CNBD1: variants seen among roughly 807,000 people sequenced by gnomAD.
The protein encoded by CNBD1 is cyclic nucleotide-binding domain-containing protein 1.
A neutral mutation model predicts 54.4 loss-of-function variants in CNBD1; 71 were observed. That is an observed-to-expected ratio of 1.30 (90% CI 1.08 to 1.59). The LOEUF is 1.59. CNBD1 is among the 40% of genes most tolerant of loss of function. CNBD1 has a pLI of 0.00. For synonymous variants in CNBD1, 182 were observed against 170.7 expected, an observed-to-expected ratio of 1.07 and a Z score of -0.51; for missense variants, 659 against 518.0, an observed-to-expected ratio of 1.27 and a Z score of -2.64.
intron 4 of CNBD1, among the ~76,000 whole-genome samples, chr8:87,074,149 G>A (rs977194160): frequency 2.0e-4 from 30 of 151,720 alleles, no homozygotes; most frequent in Non-Finnish European, 3.5e-4. Context: ...GGTAGAGCAG[G>A]TGTGCTGCAC....
At chr8:87,177,958 T>C (rs1020360505) in intron 4 of CNBD1, among the ~76,000 whole-genome samples, 1 of 152,192 alleles carries the variant, frequency 6.6e-6, no homozygotes, top group Non-Finnish European at 1.5e-5. Flanking sequence ...AGATATATAA[T>C]GTAATGTTGT....
chr8:87,425,218 T>G (rs1356630278), intron 2 of CNBD1, among the ~76,000 whole-genome samples: 2 of 152,134 alleles, frequency 1.3e-5, no homozygotes, highest in Non-Finnish European at 2.9e-5. Flanking sequence ...AGTTATACAT[T>G]CTTCTAAATT....
chr8:87,330,541 C>A (rs1239825157), intron 8 of CNBD1, among the ~76,000 whole-genome samples: 1 of 151,808 alleles, frequency 6.6e-6, no homozygotes, highest in Non-Finnish European at 1.5e-5. Context: ...TATCTTTGAC[C>A]CATGTGTTGT....
At chr8:87,045,267 GA>G (rs1303868090) in intron 4 of CNBD1, among the ~76,000 whole-genome samples, 1 of 152,082 alleles carries the variant, frequency 6.6e-6, no homozygotes, top group Non-Finnish European at 1.5e-5. Context: ...AGACATACAA[GA>G]AAAAGAGGTC....
chr8:87,258,786 A>T (rs770158444), intron 6 of CNBD1, among the ~76,000 whole-genome samples: 1 of 152,158 alleles, frequency 6.6e-6, no homozygotes, highest in Non-Finnish European at 1.5e-5. Flanking sequence ...AATTTTTGTT[A>T]AAGAGAAAAC....
At chr8:87,169,590 TG>T (rs1362240581) in intron 4 of CNBD1, among the ~76,000 whole-genome samples, 1 of 152,110 alleles carries the variant, frequency 6.6e-6, no homozygotes, top group Non-Finnish European at 1.5e-5. Flanking sequence ...TTGTATACAG[TG>T]AGATTTAGGA....
intron 8 of CNBD1, among the ~76,000 whole-genome samples, chr8:87,324,470 C>T (rs1303175553): frequency 6.8e-6 from 1 of 147,236 alleles, no homozygotes; most frequent in African/African-American, 2.5e-5. Context: ...GATTATTGCC[C>T]CAATTTCAGC....
chr8:87,365,303 C>T (rs1216116517), intron 10 of CNBD1, among the ~76,000 whole-genome samples: 1 of 151,750 alleles, frequency 6.6e-6, no homozygotes, highest in Admixed American at 6.6e-5. Context: ...CGTGTGTATG[C>T]TAAAGTATCT....
At chr8:87,388,378 A>G (rs1393008800) in intron 2 of CNBD1, among the ~76,000 whole-genome samples, 1 of 143,200 alleles carries the variant, frequency 7.0e-6, no homozygotes, top group African/African-American at 2.7e-5. Context: ...AAGAAAAAAG[A>G]GAAGAATCAA....
chr8:87,041,630 C>T (rs1273800124), intron 4 of CNBD1, among the ~76,000 whole-genome samples: 2 of 152,090 alleles, frequency 1.3e-5, no homozygotes, highest in Non-Finnish European at 2.9e-5. Flanking sequence ...AACCCCGTCT[C>T]TACTAAAAAA....
intron 8 of CNBD1, among the ~76,000 whole-genome samples, chr8:87,298,567 C>T (rs988981788): frequency 6.6e-6 from 1 of 151,092 alleles, no homozygotes; most frequent in Non-Finnish European, 1.5e-5. Flanking sequence ...TCACTGCAAC[C>T]TACACCTCCC....
chr8:87,070,923 T>C (rs576312375), intron 4 of CNBD1, among the ~76,000 whole-genome samples: 2 of 152,218 alleles, frequency 1.3e-5, no homozygotes, highest in South Asian at 4.1e-4. Context: ...TTCCAAGGTA[T>C]TAAAGAATAT....
chr8:87,136,804 TTATATTATATATAAATTA>T (rs1313783549), intron 4 of CNBD1, among the ~76,000 whole-genome samples: 1 of 8,290 alleles, frequency 1.2e-4, no homozygotes, highest in African/African-American at 7.9e-4. Flanking sequence ...TATATTATAT[TTATATTATATATAAATTA>T]TATATTATAT....
At chr8:87,184,798 T>C (rs1056929345) in intron 4 of CNBD1, among the ~76,000 whole-genome samples, 3 of 152,158 alleles carry the variant, frequency 2.0e-5, no homozygotes, top group African/African-American at 7.2e-5. Flanking sequence ...GTGTACTTGA[T>C]GGCATGGTCT....
At position 87,142,874 on chromosome 8, in the gene CNBD1, G is replaced by C. The variant is rs560255641; in HGVS notation, c.432-63119G>C. On this transcript the variant is annotated intron_variant, in intron 4 of 10. Transcript: ENST00000518476. ...TGTGCTCGTTGTTCGTGAGATTTTC[G>C]TGTGTCTGTGTATGCATTCATTCAA... 3.9e-5 allele frequency among the ~76,000 whole-genome samples: 5 copies of C among 129,822 alleles called. No individual in the cohort carries two copies. The East Asian group carries it at 1.2e-3, about 30-fold the overall frequency. 85.2% of individuals were successfully genotyped at this position (129,822 alleles called of 152,430 possible).
At chr8:86,939,438 G>A (rs1809610030) in intron 3 of CNBD1, among the ~76,000 whole-genome samples, 158 bp from the exon 4 acceptor site, 2 of 152,008 alleles carry the variant, frequency 1.3e-5, no homozygotes, top group African/African-American at 4.8e-5. Context: ...CTGTACTATG[G>A]AGATTGAAAC....
intron 4 of CNBD1, among the ~76,000 whole-genome samples, chr8:87,193,252 T>A (rs1813649534): frequency 6.6e-6 from 1 of 152,206 alleles, no homozygotes; most frequent in Admixed American, 6.5e-5. Context: ...TGACCAATAT[T>A]AAAAGAATGT....
At chr8:87,365,293 C>T (rs1003564054) in intron 10 of CNBD1, among the ~76,000 whole-genome samples, 3 of 151,548 alleles carry the variant, frequency 2.0e-5, no homozygotes, top group East Asian at 1.9e-4. Context: ...GCTTGTTGGC[C>T]GTGTGTATGC....
At chr8:87,364,604 G>T (rs919937801) in intron 10 of CNBD1, among the ~76,000 whole-genome samples, 1 of 151,692 alleles carries the variant, frequency 6.6e-6, no homozygotes, top group Non-Finnish European at 1.5e-5. Flanking sequence ...ATCAAGCCTA[G>T]TTCCCATTAG....
Sources: allele counts gnomAD v4.1 joint callset (sites outside exome capture counted in the v4.1 genomes callset), GRCh38; gene constraint gnomAD v4.1.1; transcripts MANE v1.5; gene names NCBI Gene and HGNC (gene_info 2026-07-23, HGNC 2026-07-21).